Variants in MMP26 observed in about 807,000 individuals in gnomAD.
The protein encoded by MMP26 is matrix metallopeptidase 26.
In MMP26, 33 loss-of-function variants were observed where a neutral mutation model predicts 31.0. The ratio of observed to expected loss-of-function variants is 1.06; its 90% CI spans 0.81 to 1.42. The LOEUF is 1.42. Among genes scored for constraint, MMP26 ranks in the 40% most tolerant of loss-of-function variants. The probability of loss-of-function intolerance (pLI) is 0.00; values close to 1 mark genes in which losing one functional copy is unlikely to be tolerated. For missense variants in MMP26, 347 were observed against 316.1 expected (o/e 1.10, Z -0.74); for synonymous variants, 122 against 114.9 (o/e 1.06, Z -0.40).
intron 1 of MMP26, among the ~76,000 whole-genome samples, chr11:4,744,731 T>C (rs1052772504): frequency 6.6e-6 from 1 of 152,228 alleles, no homozygotes; most frequent in African/African-American, 2.4e-5. Context: ...CCGTGTGGTT[T>C]CTTTTCTTCT....
In MMP26 at chr11:4,842,970, A is replaced by T. The variant is rs76559695; in HGVS notation, c.-145+75629A>T. On this transcript the variant is annotated intron_variant, in intron 2 of 7. Coordinates refer to ENST00000380390, the MANE Select transcript of MMP26 (RefSeq NM_021801.5). ...GCTACAGTTCCCATGCAAGTCCGAA[A>T]CCCAGCAGGGCAGTCATTAAATCTT... Among the ~76,000 whole-genome samples the T allele has an allele frequency of 2.6e-3, 393 of 152,260 alleles. 3 individuals are homozygous for T. The highest frequency in any genetic ancestry group is 0.012 in the East Asian group (62 of 5,170).
chr11:4,813,815 C>A (rs1564915965), intron 2 of MMP26, among the ~76,000 whole-genome samples: 1 of 150,232 alleles, frequency 6.7e-6, no homozygotes, highest in African/African-American at 2.4e-5. Flanking sequence ...AACAATTGAT[C>A]TTCATTAAAA....
At chr11:4,803,702 C>T (rs200261218) in intron 2 of MMP26, 4 of 1,613,724 alleles carry the variant, frequency 2.5e-6, no homozygotes, top group Non-Finnish European at 3.4e-6. Flanking sequence ...TGAAGCACAG[C>T]TCTCAAAATC....
At chr11:4,788,268 A>C (rs1848975574) in intron 2 of MMP26, among the ~76,000 whole-genome samples, 1 of 151,908 alleles carries the variant, frequency 6.6e-6, no homozygotes, top group East Asian at 1.9e-4. Context: ...GACTCTTAGG[A>C]GACATGTTAC....
chr11:4,894,024 T>A (rs1007820169), intron 2 of MMP26, among the ~76,000 whole-genome samples: 3 of 152,154 alleles, frequency 2.0e-5, no homozygotes, highest in Non-Finnish European at 4.4e-5. Context: ...ACATAAAATA[T>A]AAACATACAA....
intron 2 of MMP26, chr11:4,770,030 C>G: frequency 3.2e-6 from 2 of 630,966 alleles, no homozygotes; most frequent in East Asian, 5.5e-5. Flanking sequence ...GTAGAGTTAT[C>G]CAAGGTCATA....
chr11:4,817,864 C>T (rs1008593632), intron 2 of MMP26, among the ~76,000 whole-genome samples: 1 of 152,084 alleles, frequency 6.6e-6, no homozygotes, highest in African/African-American at 2.4e-5. Context: ...GAGCCATCTA[C>T]AAATACACTT....
chr11:4,915,083 C>A, intron 2 of MMP26: 6 of 1,613,966 alleles, frequency 3.7e-6, no homozygotes, highest in Non-Finnish European at 4.2e-6. Context: ...CATGTCGGCA[C>A]AGGCCAATTT....
At chr11:4,803,737 A>G in intron 2 of MMP26, 1 of 1,613,908 alleles carries the variant, frequency 6.2e-7, no homozygotes. Flanking sequence ...ACCAATGACA[A>G]TCATATCAAA....
chr11:4,736,172 G>A (rs928809732), intron 1 of MMP26: 1 of 152,094 alleles, frequency 6.6e-6, no homozygotes, highest in Non-Finnish European at 1.5e-5. Context: ...CAGATTCCTT[G>A]GGAAAAAGGA....
At chr11:4,769,626 T>C in intron 2 of MMP26, 1 of 1,603,764 alleles carries the variant, frequency 6.2e-7, no homozygotes, top group Non-Finnish European at 8.5e-7. Context: ...ACAATGCAGC[T>C]ATATAGACTG....
chr11:4,969,508 C>T (rs975173162), intron 2 of MMP26, among the ~76,000 whole-genome samples: 1 of 151,954 alleles, frequency 6.6e-6, no homozygotes, highest in Non-Finnish European at 1.5e-5. Context: ...AGTAATTTAC[C>T]TGTTAACCCT....
chr11:4,905,390 C>T (rs1266257228), intron 2 of MMP26, among the ~76,000 whole-genome samples: 1 of 152,068 alleles, frequency 6.6e-6, no homozygotes, highest in Non-Finnish European at 1.5e-5. Flanking sequence ...AATATATTGG[C>T]CCAAGGCTGC....
chr11:4,714,782 T>C (rs1375838355), intron 1 of MMP26, among the ~76,000 whole-genome samples: 2 of 152,094 alleles, frequency 1.3e-5, no homozygotes, highest in Non-Finnish European at 2.9e-5. Context: ...ATTCTTACAA[T>C]GGGCCTGGAG....
intron 2 of MMP26, among the ~76,000 whole-genome samples, chr11:4,900,978 T>A (rs1850791406): frequency 6.6e-6 from 1 of 151,680 alleles, no homozygotes; most frequent in Admixed American, 6.6e-5. Context: ...ACATCTACAG[T>A]TCATTTTTGG....
At chr11:4,720,001 A>T (rs1033692214) in intron 1 of MMP26, among the ~76,000 whole-genome samples, 4 of 152,214 alleles carry the variant, frequency 2.6e-5, no homozygotes, top group African/African-American at 4.8e-5. Flanking sequence ...TTATAAACGA[A>T]ATTTACCATA....
chr11:4,769,555 G>T (rs1848683711), intron 2 of MMP26: 1 of 1,613,162 alleles, frequency 6.2e-7, no homozygotes, highest in Non-Finnish European at 8.5e-7. Flanking sequence ...AACGGTCAAA[G>T]GCTGTAGCCA....
intron 2 of MMP26, among the ~76,000 whole-genome samples, chr11:4,834,743 G>T (rs1473348796): frequency 3.3e-5 from 5 of 152,144 alleles, no homozygotes; most frequent in African/African-American, 1.2e-4. Flanking sequence ...TATGTATTAT[G>T]ATATATTTCA....
intron 2 of MMP26, among the ~76,000 whole-genome samples, chr11:4,827,872 AT>A (rs1849599372): frequency 6.6e-6 from 1 of 151,470 alleles, no homozygotes; most frequent in African/African-American, 2.4e-5. Context: ...CAAACTTGTA[AT>A]TTTTATCATA....
Sources: allele counts gnomAD v4.1 joint callset (sites outside exome capture counted in the v4.1 genomes callset), GRCh38; gene constraint gnomAD v4.1.1; transcripts MANE v1.5; gene names NCBI Gene and HGNC (gene_info 2026-07-23, HGNC 2026-07-21).